The following DCC variants were observed in gnomAD, a reference collection of about 807,000 sequenced individuals.
The protein encoded by DCC is DCC netrin 1 receptor, also known as netrin receptor DCC.
Under a neutral mutation model 172.5 loss-of-function variants are expected in DCC, and 58 were observed. The observed-to-expected ratio is 0.34, with a 90% CI of 0.27 to 0.42. The LOEUF (loss-of-function observed/expected upper bound fraction) is 0.42, where lower values mean the gene tolerates loss of function less well. Ranked by LOEUF, DCC falls within the 10% of genes least tolerant of loss-of-function variation. The pLI is 1.00. For missense variants in DCC, 1,740 were observed against 1,791.0 expected (o/e 0.97, Z 0.51); for synonymous variants, 709 against 644.5 (o/e 1.10, Z -1.52).
At chr18:52,928,565 A>G (rs1287376598) in intron 5 of DCC, among the ~76,000 whole-genome samples, 1 of 152,228 alleles carries the variant, frequency 6.6e-6, no homozygotes, top group Non-Finnish European at 1.5e-5. Context: ...GCATATTTAT[A>G]TGTGTATATA....
chr18:52,698,290 G>A (rs1272706941), intron 1 of DCC, among the ~76,000 whole-genome samples: 2 of 152,156 alleles, frequency 1.3e-5, no homozygotes, highest in African/African-American at 2.4e-5. Context: ...TCTTGAAAAT[G>A]TTGAGCTTCT....
chr18:52,703,979 A>G (rs1392434293), intron 1 of DCC, among the ~76,000 whole-genome samples: 1 of 152,076 alleles, frequency 6.6e-6, no homozygotes, highest in Non-Finnish European at 1.5e-5. Flanking sequence ...GAGACACTGT[A>G]TGGGAAATAG....
chr18:52,961,716 G>A (rs1251188069), intron 5 of DCC, among the ~76,000 whole-genome samples: 1 of 152,118 alleles, frequency 6.6e-6, no homozygotes, highest in Non-Finnish European at 1.5e-5. Flanking sequence ...TATACTACAA[G>A]GCTACAGTAA....
chr18:53,389,390 AGCTGTGCTT>A (rs546168078), intron 16 of DCC, among the ~76,000 whole-genome samples: 118 of 152,336 alleles, frequency 7.7e-4, no homozygotes, highest in African/African-American at 2.7e-3. Context: ...ATGTATTAAT[AGCTGTGCTT>A]GCTGTGCACG....
At chr18:52,786,004 C>G (rs1276461089) in intron 2 of DCC, among the ~76,000 whole-genome samples, 1 of 152,090 alleles carries the variant, frequency 6.6e-6, no homozygotes, top group Non-Finnish European at 1.5e-5. Context: ...AATGGAAACT[C>G]TGTGTCCACT....
At chr18:53,169,536 C>T (rs1266284293) in intron 8 of DCC, among the ~76,000 whole-genome samples, 4 of 152,234 alleles carry the variant, frequency 2.6e-5, no homozygotes, top group African/African-American at 9.6e-5. Context: ...TTAACTCCAC[C>T]ACACTGCCAA....
Position 53,310,451 on chromosome 18 carries a change from A to G in DCC, c.2053+4732A>G, listed in dbSNP as rs368397124. On this transcript the variant is annotated intron_variant, in intron 13 of 28. Coordinates refer to ENST00000442544, the MANE Select transcript of DCC (RefSeq NM_005215.4). ...CTCAAATTTTTTTTTACAATCTTCTATTTGTTAGACAGGTGTTTTTTGTGT... is the reference window on the plus strand; with the variant it reads ...CTCAAATTTTTTTTTACAATCTTCTGTTTGTTAGACAGGTGTTTTTTGTGT... 9.4e-4 allele frequency among the ~76,000 whole-genome samples: 143 copies of G among 152,060 alleles called. 1 individual carries two copies. Among genetic ancestry groups the G allele is most frequent in the African/African-American group, 3.1e-3 (127 of 41,476 alleles).
intron 1 of DCC, among the ~76,000 whole-genome samples, chr18:52,702,368 G>C (rs2036140284): frequency 6.6e-6 from 1 of 151,984 alleles, no homozygotes; most frequent in African/African-American, 2.4e-5. Flanking sequence ...TACCTCCTTT[G>C]AAAGCCACCC....
intron 1 of DCC, among the ~76,000 whole-genome samples, chr18:52,739,771 TC>T (rs921852188): frequency 6.6e-6 from 1 of 152,168 alleles, no homozygotes; most frequent in Admixed American, 6.5e-5. Context: ...GTATGGTGGG[TC>T]CAAGGTACTA....
In DCC at chr18:53,499,446, G is replaced by A; in HGVS notation, c.4047G>A (p.Leu1349=). 1 of 1,614,070 alleles carries A rather than the reference G, an allele frequency of 6.2e-7. No homozygotes were observed. Among genetic ancestry groups the A allele is most frequent in the South Asian group, 1.1e-5 (1 of 91,078 alleles). ...THPLRSFANP[L]LPPPMSAIEP... ...CACTCCGCAGCTTTGCTAATCCTTT[G>A]CTACCTCCACCAATGAGTGCAATAG... The change falls in exon 27 of 29, where the codon TTG becomes TTA. Residue 1349 remains leucine, a synonymous_variant. Coordinates refer to ENST00000442544, the MANE Select transcript of DCC (RefSeq NM_005215.4).
chr18:53,036,550 A>G (rs942133194), intron 5 of DCC, among the ~76,000 whole-genome samples: 2 of 152,014 alleles, frequency 1.3e-5, no homozygotes, highest in African/African-American at 4.8e-5. Flanking sequence ...TAACATTGTG[A>G]TGTTTTGGAA....
At chr18:53,100,103 C>T (rs4310943) in intron 7 of DCC, among the ~76,000 whole-genome samples, 3,122 of 151,844 alleles carry the variant, frequency 0.021, 52 homozygotes, top group Non-Finnish European at 0.029. Context: ...GGCACCACCA[C>T]GCCTGGTTAA....
chr18:53,164,568 C>T (rs1361716054), intron 8 of DCC, among the ~76,000 whole-genome samples: 1 of 152,170 alleles, frequency 6.6e-6, no homozygotes, highest in East Asian at 1.9e-4. Context: ...ATTTTACCAT[C>T]TGTGTGACTT....
intron 12 of DCC, among the ~76,000 whole-genome samples, chr18:53,299,022 C>G (rs748101420): frequency 1.4e-4 from 21 of 152,178 alleles, no homozygotes; most frequent in Non-Finnish European, 2.8e-4. Context: ...CATTTCACCA[C>G]TCACCACTAA....
chr18:52,710,322 G>A (rs2036274559), intron 1 of DCC, among the ~76,000 whole-genome samples: 1 of 152,214 alleles, frequency 6.6e-6, no homozygotes, highest in Admixed American at 6.5e-5. Flanking sequence ...AGTGAGCTAT[G>A]CTCATGTCAC....
At chr18:53,343,468 A>G (rs1314312344) in intron 15 of DCC, among the ~76,000 whole-genome samples, 2 of 151,576 alleles carry the variant, frequency 1.3e-5, no homozygotes, top group African/African-American at 2.4e-5. Flanking sequence ...TTGATTTTTG[A>G]AGGGTAACCA....
At chr18:53,301,901 G>A (rs1425606242) in intron 12 of DCC, among the ~76,000 whole-genome samples, 2 of 152,218 alleles carry the variant, frequency 1.3e-5, no homozygotes, top group African/African-American at 4.8e-5. Flanking sequence ...TTCTAGGGCT[G>A]CCATAATAAA....
At chr18:52,827,514 C>G (rs529666189) in intron 2 of DCC, among the ~76,000 whole-genome samples, 34 of 152,322 alleles carry the variant, frequency 2.2e-4, no homozygotes, top group African/African-American at 7.9e-4. Context: ...TACTGCAAAA[C>G]TATTATTTGC....
intron 1 of DCC, among the ~76,000 whole-genome samples, chr18:52,541,111 T>C (rs986856843): frequency 2.0e-5 from 3 of 152,180 alleles, no homozygotes; most frequent in African/African-American, 7.2e-5. Flanking sequence ...CAGCTGAGAA[T>C]AAGATGGCTC....
Sources: allele counts gnomAD v4.1 joint callset (sites outside exome capture counted in the v4.1 genomes callset), GRCh38; gene constraint gnomAD v4.1.1; transcripts MANE v1.5; gene names NCBI Gene and HGNC (gene_info 2026-07-23, HGNC 2026-07-21).